Variants in SYT13 observed in about 807,000 individuals in gnomAD.
SYT13 encodes synaptotagmin 13.
In SYT13, 21 loss-of-function variants were observed where a neutral mutation model predicts 38.6. That is an observed-to-expected ratio of 0.54 (90% CI 0.39 to 0.78). The LOEUF (loss-of-function observed/expected upper bound fraction) is 0.78. SYT13 is among the 30% of genes least tolerant of loss of function. The probability of loss-of-function intolerance (pLI) is 0.00; values close to 1 mark genes in which losing one functional copy is unlikely to be tolerated. For missense variants in SYT13, 495 were observed against 548.7 expected (o/e 0.90, Z 0.98); for synonymous variants, 241 against 237.6 (o/e 1.01, Z -0.13).
intron 5 of SYT13, among the ~76,000 whole-genome samples, chr11:45,244,765 G>A (rs1330212850): frequency 6.6e-6 from 1 of 152,198 alleles, no homozygotes; most frequent in Non-Finnish European, 1.5e-5. Context: ...AGAAGTTCTT[G>A]CCTCCATAGA....
intron 1 of SYT13, among the ~76,000 whole-genome samples, chr11:45,277,236 A>T (rs1355872466): frequency 6.7e-6 from 1 of 149,012 alleles, no homozygotes; most frequent in East Asian, 1.9e-4. Context: ...GGAGGGCGGA[A>T]TAGTGACTGT....
Position 45,252,358 on chromosome 11 carries a change from C to G in SYT13, c.846+63G>C. The G allele has an allele frequency of 2.7e-6, 4 of 1,493,298 alleles. No individual in the cohort carries two copies. The highest frequency in any genetic ancestry group is 3.6e-6 in the Non-Finnish European group (4 of 1,121,584). 92.5% of individuals were successfully genotyped at this position (1,493,298 alleles called of 1,614,324 possible). ...TAAGACTGAGTTGCTGGGAGGACAC[C>G]AGGTTCTGCCATCCCATGCTGCACG... is the stretch of plus-strand genomic sequence containing the variant. On this transcript the variant is annotated intron_variant, in intron 4 of 5. Transcript: ENST00000020926. This position sits in a 1 kb window ranked among gnomAD's most constrained non-coding sequence, Gnocchi z 4.3.
intron 1 of SYT13, among the ~76,000 whole-genome samples, chr11:45,277,148 A>C (rs577924450): frequency 1.3e-5 from 2 of 152,364 alleles, no homozygotes; most frequent in South Asian, 4.1e-4. Context: ...CCAGTCACAA[A>C]AGACCACATA....
chr11:45,246,881 G>A (rs1283051258), intron 4 of SYT13, among the ~76,000 whole-genome samples: 2 of 152,208 alleles, frequency 1.3e-5, no homozygotes, highest in African/African-American at 2.4e-5. Context: ...GGACACCTCT[G>A]TCCTCTAGGG....
intron 1 of SYT13, among the ~76,000 whole-genome samples, chr11:45,268,682 CTG>C (rs1219066813): frequency 3.3e-5 from 5 of 152,198 alleles, no homozygotes; most frequent in Non-Finnish European, 7.3e-5. Flanking sequence ...AGGCACATGA[CTG>C]TGGAGCCCAC....
At chr11:45,257,917 C>A (rs1485059403) in intron 1 of SYT13, among the ~76,000 whole-genome samples, 1 of 152,232 alleles carries the variant, frequency 6.6e-6, no homozygotes, top group East Asian at 1.9e-4. Context: ...GTAGAGCTTA[C>A]CCCTCTTGTA....
intron 1 of SYT13, among the ~76,000 whole-genome samples, chr11:45,274,137 A>G (rs548425144): frequency 6.6e-6 from 1 of 152,346 alleles, no homozygotes; most frequent in South Asian, 2.1e-4. Flanking sequence ...CATCTTGATT[A>G]TAAAAGTGAA....
At chr11:45,267,515 C>T (rs908185698) in intron 1 of SYT13, among the ~76,000 whole-genome samples, 1 of 152,146 alleles carries the variant, frequency 6.6e-6, no homozygotes, top group Admixed American at 6.5e-5. Context: ...CTAAGGACGC[C>T]TTGCTTGGGA....
chr11:45,255,901 C>T lies in SYT13; in HGVS notation c.184-10G>A. Reference sequence around the variant, plus strand: ...ACTTTTTAACATTGAACTGCAAACACAAATTACTCTGATTAGTCCACAAAG... The same window carrying T: ...ACTTTTTAACATTGAACTGCAAACATAAATTACTCTGATTAGTCCACAAAG... On this transcript the variant is annotated splice_polypyrimidine_tract_variant and intron_variant, in intron 1 of 5. Transcript: ENST00000020926. The T allele has an allele frequency of 6.2e-7, 1 of 1,613,858 alleles. No homozygotes were observed. Among genetic ancestry groups the T allele is most frequent in the Non-Finnish European group, 8.5e-7 (1 of 1,179,800 alleles).
chr11:45,284,636 G>A (rs1855112417), intron 1 of SYT13, among the ~76,000 whole-genome samples: 1 of 152,098 alleles, frequency 6.6e-6, no homozygotes, highest in Admixed American at 6.5e-5. Flanking sequence ...GTTTCCCAGT[G>A]GTTCTCTCTA....
intron 1 of SYT13, among the ~76,000 whole-genome samples, chr11:45,276,077 T>C (rs1855006958): frequency 6.6e-6 from 1 of 152,160 alleles, no homozygotes; most frequent in Non-Finnish European, 1.5e-5. Flanking sequence ...CTACTGTGGT[T>C]TTTGGATATA....
At chr11:45,279,960 T>C (rs1855052722) in intron 1 of SYT13, among the ~76,000 whole-genome samples, 1 of 152,186 alleles carries the variant, frequency 6.6e-6, no homozygotes, top group African/African-American at 2.4e-5. Flanking sequence ...ACGGAAGTAA[T>C]ATCCCCCACC....
chr11:45,285,985 C>T (rs773280586), intron 1 of SYT13, 40 bp downstream of exon 1: 2 of 1,584,530 alleles, frequency 1.3e-6, no homozygotes, highest in Non-Finnish European at 1.7e-6. Context: ...CCGGCAACCC[C>T]GCCTTGCCCG....
intron 1 of SYT13, among the ~76,000 whole-genome samples, chr11:45,270,821 A>G (rs1590526322): frequency 1.3e-5 from 2 of 152,214 alleles, no homozygotes. Context: ...AGTTGAAAAA[A>G]CAGCCGAGAT....
intron 1 of SYT13, among the ~76,000 whole-genome samples, chr11:45,264,690 T>C (rs1854860813): frequency 6.6e-6 from 1 of 152,220 alleles, no homozygotes; most frequent in Admixed American, 6.5e-5. Context: ...ATAAGCATTG[T>C]TGTTTTAAGC....
chr11:45,251,218 G>A (rs879299254), intron 4 of SYT13, among the ~76,000 whole-genome samples: 9 of 151,734 alleles, frequency 5.9e-5, no homozygotes, highest in Non-Finnish European at 1.0e-4. Flanking sequence ...GTGAAACCCT[G>A]TCTCTACTAA....
intron 1 of SYT13, among the ~76,000 whole-genome samples, chr11:45,275,158 C>T (rs76157346): frequency 0.013 from 1,979 of 152,282 alleles, 44 homozygotes; most frequent in African/African-American, 0.046. Context: ...TCTACCCATC[C>T]ATTCATCAAT....
intron 1 of SYT13, among the ~76,000 whole-genome samples, chr11:45,282,238 T>C (rs939074001): frequency 9.2e-5 from 14 of 152,320 alleles, no homozygotes; most frequent in African/African-American, 2.9e-4. Context: ...CCAGGTGACC[T>C]GCCAGGCCAG....
In SYT13 at chr11:45,272,673, A is replaced by T. The variant is rs114947170; in HGVS notation, c.183+13352T>A. On this transcript the variant is annotated intron_variant, in intron 1 of 5. Transcript: ENST00000020926. The stretch of plus-strand genomic sequence containing the variant: ...GTCCCAAAATATGATTTGATCATGG[A>T]AGGTCAGTGATATCAGAGTACCTGG... Among the ~76,000 whole-genome samples the T allele has an allele frequency of 6.7e-3, 1,025 of 152,302 alleles. 8 individuals carry two copies. Among genetic ancestry groups the T allele is most frequent in the African/African-American group, 0.024 (983 of 41,558 alleles).
Sources: gnomAD v4.1 joint callset for allele counts (sites outside exome capture counted in the v4.1 genomes callset) on GRCh38, gnomAD v4.1.1 for gene constraint, Gnocchi (gnomAD v3.1) non-coding constraint, MANE v1.5 for transcripts, NCBI Gene and HGNC (gene_info 2026-07-23, HGNC 2026-07-21) for gene names.